Variants in DOCK1 observed in about 807,000 individuals in gnomAD.
The protein encoded by DOCK1 is dedicator of cytokinesis protein 1.
Under a neutral mutation model 262.7 loss-of-function variants are expected in DOCK1, and 138 were observed. That is an observed-to-expected ratio of 0.53 (90% CI 0.46 to 0.61). The LOEUF is 0.61. Ranked by LOEUF, DOCK1 falls within the 20% of genes least tolerant of loss-of-function variation. The probability of loss-of-function intolerance (pLI) is 0.00; values close to 1 mark genes in which losing one functional copy is unlikely to be tolerated. For missense variants in DOCK1, 1,908 were observed against 2,370.7 expected (o/e 0.80, Z 4.05); for synonymous variants, 866 against 867.4 (o/e 1.00, Z 0.03).
At chr10:127,200,584 A>G (rs906312223) in intron 27 of DOCK1, among the ~76,000 whole-genome samples, 1 of 152,050 alleles carries the variant, frequency 6.6e-6, no homozygotes, top group African/African-American at 2.4e-5. Context: ...TTTGTATTTT[A>G]GTAGAAATGA....
At chr10:127,170,577 G>A (rs1303392965) in intron 27 of DOCK1, among the ~76,000 whole-genome samples, 1 of 152,184 alleles carries the variant, frequency 6.6e-6, no homozygotes, top group African/African-American at 2.4e-5. Context: ...GAGGCAAAGA[G>A]CGCTGTCGGG....
chr10:127,278,584 CAT>C (rs1264585418), intron 29 of DOCK1, among the ~76,000 whole-genome samples: 3 of 152,148 alleles, frequency 2.0e-5, no homozygotes, highest in Non-Finnish European at 2.9e-5. Context: ...ACTGAAAAGA[CAT>C]ATATTCTTCC....
At chr10:127,444,374 T>A (rs761070340) in intron 50 of DOCK1, 95 bp downstream of exon 50, 757 of 1,398,046 alleles carry the variant, frequency 5.4e-4, no homozygotes, top group Non-Finnish European at 6.7e-4. Flanking sequence ...CTCCCTCCCC[T>A]TGCAGCAGAG....
At chr10:127,151,560 G>T (rs1214402892) in intron 27 of DOCK1, among the ~76,000 whole-genome samples, 1 of 152,068 alleles carries the variant, frequency 6.6e-6, no homozygotes, top group Non-Finnish European at 1.5e-5. Flanking sequence ...TTTATAAGGG[G>T]GTGACAGTCG....
intron 1 of DOCK1, 148 bp from the exon 2 acceptor site, chr10:126,970,554 C>G: frequency 1.6e-6 from 1 of 613,760 alleles, no homozygotes. Flanking sequence ...GAAAAGGTCA[C>G]TTCTGTGGGT....
chr10:127,276,846 G>A (rs539937750), intron 29 of DOCK1, among the ~76,000 whole-genome samples: 6 of 152,258 alleles, frequency 3.9e-5, no homozygotes, highest in African/African-American at 1.2e-4. Context: ...CATGGTAAAC[G>A]TTATGGGCCA....
At chr10:127,006,635 C>T (rs765594210) in intron 10 of DOCK1, among the ~76,000 whole-genome samples, 2 of 152,200 alleles carry the variant, frequency 1.3e-5, no homozygotes, top group African/African-American at 2.4e-5. Context: ...GACGTCAAGG[C>T]CTTCTCCTCG....
At chr10:127,277,395 TTTGAC>T (rs2060780483) in intron 29 of DOCK1, among the ~76,000 whole-genome samples, 1 of 152,188 alleles carries the variant, frequency 6.6e-6, no homozygotes. Flanking sequence ...TGTTTTTTTA[TTTGAC>T]TTAAGATAGG....
intron 51 of DOCK1, among the ~76,000 whole-genome samples, 183 bp from the exon 52 acceptor site, chr10:127,451,149 T>C (rs1251350821): frequency 1.3e-5 from 2 of 152,072 alleles, no homozygotes; most frequent in Admixed American, 1.3e-4. Context: ...CCCAGGCCCA[T>C]AGCAGCCCAG....
intron 28 of DOCK1, among the ~76,000 whole-genome samples, chr10:127,252,607 C>G (rs1461066123): frequency 6.6e-6 from 1 of 150,754 alleles, no homozygotes; most frequent in Non-Finnish European, 1.5e-5. Flanking sequence ...CTACATATGG[C>G]TAGCCAGTTT....
intron 23 of DOCK1, among the ~76,000 whole-genome samples, chr10:127,083,419 C>A (rs529029821): frequency 5.9e-5 from 9 of 152,308 alleles, no homozygotes; most frequent in African/African-American, 2.2e-4. Context: ...TCTCCCCACC[C>A]TTTGCTTTGT....
intron 27 of DOCK1, among the ~76,000 whole-genome samples, chr10:127,234,469 G>T (rs567958876): frequency 6.6e-6 from 1 of 152,234 alleles, no homozygotes; most frequent in African/African-American, 2.4e-5. Context: ...TTAAAGATCC[G>T]TATGATGAAA....
At chr10:127,225,622 T>G (rs1000599012) in intron 27 of DOCK1, among the ~76,000 whole-genome samples, 3 of 152,220 alleles carry the variant, frequency 2.0e-5, no homozygotes, top group Non-Finnish European at 4.4e-5. Flanking sequence ...TGGGGTTGCT[T>G]TGGAATAATA....
At chr10:126,915,089 GCCT>G (rs1281915810) in intron 1 of DOCK1, among the ~76,000 whole-genome samples, 1 of 152,182 alleles carries the variant, frequency 6.6e-6, no homozygotes, top group Admixed American at 6.5e-5. Context: ...CTGACTGTGT[GCCT>G]CGCAGGAAGA....
At chr10:127,299,401 G>A (rs111496989) in intron 29 of DOCK1, among the ~76,000 whole-genome samples, 4,094 of 152,306 alleles carry the variant, frequency 0.027, 188 homozygotes, top group African/African-American at 0.092. Context: ...GCCGCGCCCG[G>A]CCAAGAAGGG....
intron 22 of DOCK1, among the ~76,000 whole-genome samples, chr10:127,056,607 C>CT (rs2135777182): frequency 6.6e-6 from 1 of 152,184 alleles, no homozygotes; most frequent in East Asian, 1.9e-4. Context: ...TCCTTCCCTC[C>CT]TTTTTTCTCT....
rs1331631129 is a variant in DOCK1 at position 127,018,783 on chromosome 10, C to T, written c.1275C>T (p.Asp425=). ...QIRKEFPHLV[D]RTTAVARKTG... is the part of the protein sequence containing the mutation. Reference sequence around the variant, plus strand: ...GAAAAGAGTTTCCGCATTTAGTGGACAGGACCACAGCTGTGGCTCGAAAAA... The same window carrying T: ...GAAAAGAGTTTCCGCATTTAGTGGATAGGACCACAGCTGTGGCTCGAAAAA... The change falls in exon 13 of 52, where the codon GAC becomes GAT. Residue 425 remains aspartate (D), a synonymous_variant. Coordinates refer to ENST00000623213, the MANE Select transcript of DOCK1 (RefSeq NM_001290223.2). 1.4e-5 allele frequency: 23 copies of T among 1,613,976 alleles called. No individual in the cohort carries two copies. Among genetic ancestry groups the T allele is most frequent in the Non-Finnish European group, 1.9e-5 (22 of 1,179,896 alleles).
At chr10:127,408,970 A>G (rs749186072) in intron 40 of DOCK1, 67 bp from the exon 41 acceptor site, 66 of 1,503,082 alleles carry the variant, frequency 4.4e-5, no homozygotes, top group Non-Finnish European at 5.7e-5. Context: ...TAAGGCCAGC[A>G]TATTGCATGT....
At chr10:126,988,028 T>A (rs574233746) in intron 5 of DOCK1, 1 of 152,742 alleles carries the variant, frequency 6.5e-6, no homozygotes, top group East Asian at 2.0e-4. Context: ...TTTGCCGTTG[T>A]CTGACAGTAG....
Sources: allele counts gnomAD v4.1 joint callset (sites outside exome capture counted in the v4.1 genomes callset), GRCh38; gene constraint gnomAD v4.1.1; transcripts MANE v1.5; gene names NCBI Gene and HGNC (gene_info 2026-07-23, HGNC 2026-07-21).